ZNF804B: variants seen among roughly 807,000 people sequenced by gnomAD.
ZNF804B encodes zinc finger 804B.
Under a neutral mutation model 101.4 loss-of-function variants are expected in ZNF804B, and 80 were observed. The ratio of observed to expected loss-of-function variants is 0.79; its 90% confidence interval spans 0.66 to 0.95. ZNF804B has a LOEUF of 0.95. Ranked by LOEUF, ZNF804B falls within the 40% of genes least tolerant of loss-of-function variation. The probability of loss-of-function intolerance (pLI) is 0.00; values close to 1 mark genes in which losing one functional copy is unlikely to be tolerated. For synonymous variants in ZNF804B, 622 were observed against 558.8 expected, an observed-to-expected ratio of 1.11 and a Z score of -1.59; for missense variants, 1,673 against 1,561.9, an observed-to-expected ratio of 1.07 and a Z score of -1.20.
chr7:89,209,676 C>G (rs1306714836), intron 1 of ZNF804B, among the ~76,000 whole-genome samples: 1 of 152,130 alleles, frequency 6.6e-6, no homozygotes, highest in South Asian at 2.1e-4. Context: ...GTCTAATTCT[C>G]CGTGATATGA....
At chr7:89,043,119 C>T (rs1198393914) in intron 1 of ZNF804B, among the ~76,000 whole-genome samples, 1 of 152,154 alleles carries the variant, frequency 6.6e-6, no homozygotes, top group African/African-American at 2.4e-5. Flanking sequence ...AAAGCAGAAA[C>T]TTGAGACGCT....
chr7:89,049,276 A>G (rs909569920), intron 1 of ZNF804B, among the ~76,000 whole-genome samples: 1 of 152,126 alleles, frequency 6.6e-6, no homozygotes. Context: ...ACTCAGCCCA[A>G]TGCTCCACCA....
chr7:89,208,362 A>G (rs6947879), intron 1 of ZNF804B, among the ~76,000 whole-genome samples: 114,218 of 152,086 alleles, frequency 0.75, 44,170 homozygotes, highest in African/African-American at 0.91. Context: ...GATTACAGGC[A>G]TGAGCCACCG....
chr7:88,906,981 T>C (rs530912419), intron 1 of ZNF804B, among the ~76,000 whole-genome samples: 2 of 152,106 alleles, frequency 1.3e-5, no homozygotes, highest in Non-Finnish European at 1.5e-5. Flanking sequence ...TTTGTCATTA[T>C]ATAATGGCTT....
chr7:89,312,369 G>C (rs1790659892), intron 2 of ZNF804B, among the ~76,000 whole-genome samples: 1 of 152,126 alleles, frequency 6.6e-6, no homozygotes, highest in Non-Finnish European at 1.5e-5. Flanking sequence ...ATTAAACATA[G>C]CATCCAGCAA....
intron 1 of ZNF804B, among the ~76,000 whole-genome samples, chr7:89,147,444 T>G (rs1185186126): frequency 1.3e-5 from 2 of 152,076 alleles, no homozygotes; most frequent in Admixed American, 6.6e-5. Context: ...CAGATCAAGG[T>G]GTCAAAATTG....
intron 1 of ZNF804B, among the ~76,000 whole-genome samples, chr7:88,978,820 CTCCT>C (rs1214799654): frequency 1.3e-5 from 2 of 148,380 alleles, no homozygotes; most frequent in Admixed American, 1.4e-4. Flanking sequence ...CCCTCCCTCC[CTCCT>C]TCCTTCCTTC....
intron 1 of ZNF804B, among the ~76,000 whole-genome samples, chr7:89,006,499 C>A (rs1380825658): frequency 2.6e-5 from 4 of 151,910 alleles, no homozygotes; most frequent in African/African-American, 9.7e-5. Flanking sequence ...TTTTGTTTGT[C>A]TGATTTTCAA....
rs965377829 is a variant in ZNF804B, at chr7:89,252,363, T to G, written c.249+34068T>G. Among the ~76,000 whole-genome samples, 5 of 151,982 alleles carry G rather than the reference T, an allele frequency of 3.3e-5. No homozygotes were observed. In the East Asian group the frequency reaches 5.8e-4, roughly 18 times the overall value. On this transcript the variant is annotated intron_variant, in intron 2 of 3. Transcript: ENST00000333190. ...CAGTCAGAATGGCTATTATTAAAAG[T>G]AAAAAGCAAACAAACAGAAAACAGT...
intron 1 of ZNF804B, among the ~76,000 whole-genome samples, chr7:89,106,694 C>T (rs1223693447): frequency 6.6e-6 from 1 of 151,954 alleles, no homozygotes; most frequent in African/African-American, 2.4e-5. Context: ...GCAATGTAGG[C>T]CTAAGGTTTA....
intron 1 of ZNF804B, among the ~76,000 whole-genome samples, chr7:89,094,310 T>C (rs1372616803): frequency 1.3e-5 from 2 of 152,210 alleles, no homozygotes; most frequent in African/African-American, 2.4e-5. Flanking sequence ...TTTTCAAATG[T>C]TTATTTAACC....
Position 89,141,073 on chromosome 7 carries a change from G to A in ZNF804B, c.109-77082G>A, listed in dbSNP as rs142813608. Among the ~76,000 whole-genome samples, 1,378 of 152,014 alleles carry A rather than the reference G, an allele frequency of 9.1e-3. 22 individuals are homozygous for A. Among genetic ancestry groups the A allele is most frequent in the African/African-American group, 0.031 (1,286 of 41,486 alleles). Reference sequence around the variant, plus strand: ...GAATAGGAGGGCCAAAGGAGAGGAGGGGAGATGGGGAACAGCCTGTCAGTG... The same window carrying A: ...GAATAGGAGGGCCAAAGGAGAGGAGAGGAGATGGGGAACAGCCTGTCAGTG... On this transcript the variant is annotated intron_variant, in intron 1 of 3. Transcript: ENST00000333190.
intron 1 of ZNF804B, among the ~76,000 whole-genome samples, chr7:88,944,605 CAG>C (rs1793100174): frequency 6.6e-6 from 1 of 151,290 alleles, no homozygotes; most frequent in Non-Finnish European, 1.5e-5. Flanking sequence ...AACAATAAAA[CAG>C]ATAAAAATAC....
chr7:88,974,643 A>T (rs1793588769), intron 1 of ZNF804B, among the ~76,000 whole-genome samples: 1 of 151,366 alleles, frequency 6.6e-6, no homozygotes, highest in South Asian at 2.1e-4. Context: ...TTTAAATTTT[A>T]AAATTATTTT....
intron 2 of ZNF804B, among the ~76,000 whole-genome samples, chr7:89,256,697 A>G (rs1043845350): frequency 2.0e-5 from 3 of 152,240 alleles, no homozygotes; most frequent in Admixed American, 6.5e-5. Flanking sequence ...TTTCATTTGC[A>G]TAAATATCCA....
chr7:89,050,831 T>C (rs1789191819), intron 1 of ZNF804B, among the ~76,000 whole-genome samples: 1 of 152,172 alleles, frequency 6.6e-6, no homozygotes, highest in South Asian at 2.1e-4. Context: ...TCTTAATGAT[T>C]ACCTTTCTGT....
At chr7:88,872,181 G>A (rs1350686348) in intron 1 of ZNF804B, among the ~76,000 whole-genome samples, 1 of 152,090 alleles carries the variant, frequency 6.6e-6, no homozygotes, top group African/African-American at 2.4e-5. Flanking sequence ...CTATAAAATA[G>A]GCAAACACAT....
At chr7:88,971,941 T>A (rs2116113396) in intron 1 of ZNF804B, among the ~76,000 whole-genome samples, 1 of 151,596 alleles carries the variant, frequency 6.6e-6, no homozygotes, top group East Asian at 2.0e-4. Flanking sequence ...CTTTTACCGC[T>A]TTTCCAGTTT....
intron 1 of ZNF804B, among the ~76,000 whole-genome samples, chr7:89,059,090 A>G (rs1298791810): frequency 6.6e-6 from 1 of 152,170 alleles, no homozygotes; most frequent in Non-Finnish European, 1.5e-5. Context: ...CCAGATGGCT[A>G]TCATAATCCC....
Sources: gnomAD v4.1 joint callset for allele counts (sites outside exome capture counted in the v4.1 genomes callset) on GRCh38, gnomAD v4.1.1 for gene constraint, MANE v1.5 for transcripts, NCBI Gene and HGNC (gene_info 2026-07-23, HGNC 2026-07-21) for gene names.